The following SNCAIP variants were observed in gnomAD, a reference collection of about 807,000 sequenced individuals.
SNCAIP encodes synphilin-1.
In SNCAIP, 43 loss-of-function variants were observed where a neutral mutation model predicts 86.7. The observed-to-expected ratio is 0.50, with a 90% CI of 0.39 to 0.64. The LOEUF is 0.64. SNCAIP is among the 30% of genes least tolerant of loss of function. The pLI, the probability that SNCAIP is intolerant of heterozygous loss-of-function variation, is 0.00. For synonymous variants in SNCAIP, 417 were observed against 427.2 expected (o/e 0.98, Z 0.29); for missense variants, 981 against 1,103.1 (o/e 0.89, Z 1.57).
intron 1 of SNCAIP, among the ~76,000 whole-genome samples, chr5:122,319,590 G>C (rs1203992431): frequency 6.6e-6 from 1 of 152,226 alleles, no homozygotes; most frequent in Non-Finnish European, 1.5e-5. Context: ...GAAGAGAAAA[G>C]ATGTCCACAC....
chr5:122,412,156 C>T (rs144670375), intron 3 of SNCAIP, among the ~76,000 whole-genome samples: 82 of 152,244 alleles, frequency 5.4e-4, no homozygotes, highest in Admixed American at 1.0e-3. Context: ...TTCAAGATCA[C>T]CTCCTTAGGT....
intron 1 of SNCAIP, among the ~76,000 whole-genome samples, chr5:122,318,460 T>C (rs1054308396): frequency 2.2e-4 from 33 of 152,212 alleles, no homozygotes; most frequent in Admixed American, 1.3e-3. Flanking sequence ...TACTTCCTTA[T>C]CTTTGCACAT....
At chr5:122,343,853 C>G (rs980226698) in intron 1 of SNCAIP, among the ~76,000 whole-genome samples, 1 of 152,168 alleles carries the variant, frequency 6.6e-6, no homozygotes, top group African/African-American at 2.4e-5. Context: ...TGGCTGAGAA[C>G]CAGTTCTTGT....
intron 1 of SNCAIP, among the ~76,000 whole-genome samples, chr5:122,313,817 C>T (rs1166129650): frequency 6.6e-6 from 1 of 152,146 alleles, no homozygotes; most frequent in Non-Finnish European, 1.5e-5. Context: ...GAGGATTACC[C>T]ATAACTAAAT....
intron 7 of SNCAIP, chr5:122,444,226 A>G (rs1781776193): frequency 1.9e-5 from 9 of 482,364 alleles, no homozygotes; most frequent in South Asian, 1.4e-4. Context: ...TCTTACAGGC[A>G]TCTCTGACTA....
At chr5:122,332,003 A>G (rs534770817) in intron 1 of SNCAIP, among the ~76,000 whole-genome samples, 1 of 152,336 alleles carries the variant, frequency 6.6e-6, no homozygotes, top group South Asian at 2.1e-4. Context: ...ACAATCCTAA[A>G]TAGGGAGTGC....
In SNCAIP at chr5:122,422,889, G is replaced by A; in HGVS notation, c.152G>A (p.Cys51Tyr). Residue 51 changes from cysteine (C) to tyrosine (Y), a missense_variant, in exon 4 of 11, where the codon TGT (cysteine) becomes TAT (tyrosine). Cys to Tyr is a radical substitution (Grantham distance 194). Transcript: ENST00000261368. ...DRSVSSSSWNCGISTLITNTQ... is the reference protein window; with the variant it reads ...DRSVSSSSWNYGISTLITNTQ... ...ACAGTTTCTAGCTCTAGCTGGAATTGTGGCATCTCAACTCTTATTACAAAC... is the reference window on the plus strand; with the variant it reads ...ACAGTTTCTAGCTCTAGCTGGAATTATGGCATCTCAACTCTTATTACAAAC... 14 of 1,613,976 alleles carry A rather than the reference G, an allele frequency of 8.7e-6. No individual in the cohort carries two copies. The highest frequency in any genetic ancestry group is 1.2e-5 in the Non-Finnish European group (14 of 1,179,870).
chr5:122,362,779 G>A lies in SNCAIP; in HGVS notation c.-46-28310G>A, dbSNP rs192807018. 1.9e-4 allele frequency among the ~76,000 whole-genome samples: 29 copies of A among 152,230 alleles called. No individual in the cohort carries two copies. The East Asian group carries it at 4.8e-3, about 25-fold the overall frequency. On this transcript the variant is annotated intron_variant, in intron 1 of 10. Coordinates refer to ENST00000261368, the MANE Select transcript of SNCAIP (RefSeq NM_005460.4). ...AGCGTGAACTACATTCAGCGGCCTA[G>A]GCAGTGCCCTCCTTGATAAGATAAT...
intron 7 of SNCAIP, among the ~76,000 whole-genome samples, chr5:122,441,666 G>A (rs1780961381): frequency 6.6e-6 from 1 of 152,128 alleles, no homozygotes; most frequent in South Asian, 2.1e-4. Context: ...GCCCAACAAA[G>A]GTCTCCAGGA....
rs147893488 is a variant in SNCAIP at position 122,346,862 on chromosome 5, G to C, written c.-47+34578G>C. ...CAAAAAGTCTGTTTTCAGACCTTTT[G>C]GTAGCCACATAAAAGTAATAATTTT... On this transcript the variant is annotated intron_variant, in intron 1 of 10. Coordinates refer to ENST00000261368, the MANE Select transcript of SNCAIP (RefSeq NM_005460.4). 1.4e-3 allele frequency among the ~76,000 whole-genome samples: 210 copies of C among 151,418 alleles called. 1 individual carries two copies. The highest frequency in any genetic ancestry group is 4.7e-3 in the African/African-American group (195 of 41,260).
intron 2 of SNCAIP, among the ~76,000 whole-genome samples, chr5:122,393,291 C>T (rs973692631): frequency 2.0e-5 from 3 of 152,202 alleles, no homozygotes; most frequent in East Asian, 1.9e-4. Flanking sequence ...TAATAGCTAA[C>T]GTTTATTGAA....
intron 1 of SNCAIP, among the ~76,000 whole-genome samples, chr5:122,378,919 A>G (rs186479031): frequency 0.011 from 1,639 of 144,120 alleles, 137 homozygotes; most frequent in African/African-American, 0.04. Flanking sequence ...TGGTACCAGT[A>G]CCATGCTGTT....
intron 1 of SNCAIP, among the ~76,000 whole-genome samples, chr5:122,355,457 C>T (rs570712069): frequency 4.6e-5 from 7 of 152,048 alleles, no homozygotes; most frequent in East Asian, 1.9e-4. Flanking sequence ...TGATAAACCC[C>T]GGGTGTGAGG....
In SNCAIP at chr5:122,423,518, A is replaced by C. The variant is rs201049583; in HGVS notation, c.781A>C (p.Lys261Gln). The change falls in exon 4 of 11, where the codon AAG becomes CAG. Residue 261 changes from lysine (K) to glutamine (Q), a missense_variant. Lys to Gln is a moderately conservative substitution (Grantham distance 53). Coordinates refer to ENST00000261368, the MANE Select transcript of SNCAIP (RefSeq NM_005460.4). ...AAACCAGAGTAAAGACTTCCTAAACAAGACATTTAGTGATCCTCATGGTCG... is the reference window on the plus strand; with the variant it reads ...AAACCAGAGTAAAGACTTCCTAAACCAGACATTTAGTGATCCTCATGGTCG... Reference protein sequence around the residue: ...PENQSKDFLNKTFSDPHGRKV... With the variant: ...PENQSKDFLNQTFSDPHGRKV... The C allele has an allele frequency of 4.1e-5, 66 of 1,614,068 alleles. No homozygotes were observed. Among genetic ancestry groups the C allele is most frequent in the Non-Finnish European group, 5.3e-5 (62 of 1,180,034 alleles).
chr5:122,401,190 C>T, intron 2 of SNCAIP: 1 of 1,449,458 alleles, frequency 6.9e-7, no homozygotes, highest in African/African-American at 1.4e-5. Flanking sequence ...GGATGAAGGC[C>T]TGGGAAGCCT....
intron 1 of SNCAIP, among the ~76,000 whole-genome samples, chr5:122,376,497 G>A (rs575123934): frequency 1.1e-4 from 17 of 152,176 alleles, no homozygotes; most frequent in African/African-American, 4.1e-4. Context: ...GTTGGCTTAA[G>A]CCCATGCTCA....
At chr5:122,415,671 G>C (rs1775163190) in intron 3 of SNCAIP, among the ~76,000 whole-genome samples, 2 of 152,136 alleles carry the variant, frequency 1.3e-5, no homozygotes, top group Non-Finnish European at 2.9e-5. Context: ...TGTCCTTGAC[G>C]GTAGATCAGC....
chr5:122,373,649 T>C (rs765865739), intron 1 of SNCAIP, among the ~76,000 whole-genome samples: 3 of 152,236 alleles, frequency 2.0e-5, no homozygotes, highest in Non-Finnish European at 2.9e-5. Flanking sequence ...CTTCTAATTT[T>C]CAATCTTATT....
At chr5:122,398,430 G>C (rs1339332006) in intron 2 of SNCAIP, among the ~76,000 whole-genome samples, 1 of 152,142 alleles carries the variant, frequency 6.6e-6, no homozygotes, top group Non-Finnish European at 1.5e-5. Flanking sequence ...GGAAGGGCAG[G>C]CCTTTAGAGG....
Sources: allele counts gnomAD v4.1 joint callset (sites outside exome capture counted in the v4.1 genomes callset), GRCh38; gene constraint gnomAD v4.1.1; transcripts MANE v1.5; gene names NCBI Gene and HGNC (gene_info 2026-07-23, HGNC 2026-07-21).